The following DCP2 variants were observed in gnomAD, a reference collection of about 807,000 sequenced individuals.
DCP2 encodes decapping mRNA 2.
Under a neutral mutation model 56.1 loss-of-function variants are expected in DCP2, and 30 were observed. The observed-to-expected ratio is 0.53, with a 90% CI of 0.40 to 0.73. The LOEUF is 0.73. Among genes scored for constraint, DCP2 ranks in the 30% least tolerant of loss-of-function variants. The pLI is 0.00. For synonymous variants in DCP2, 197 were observed against 163.3 expected, an observed-to-expected ratio of 1.21 and a Z score of -1.57; for missense variants, 533 against 502.7, an observed-to-expected ratio of 1.06 and a Z score of -0.58.
In DCP2 at chr5:113,001,081, C is replaced by T; in HGVS notation, c.433-3C>T. 6.3e-7 allele frequency: 1 copy of T among 1,589,600 alleles called. No individual in the cohort carries two copies. On this transcript the variant is annotated splice_region_variant and splice_polypyrimidine_tract_variant and intron_variant, in intron 4 of 10. Transcript: ENST00000389063. ...AAATTTCATCCAAATTTGTTGTTTC[C>T]AGGTCTTTGAAGAAACTGGTTTTGA... is the stretch of plus-strand genomic sequence containing the variant.
chr5:113,013,502 T>C lies in DCP2; in HGVS notation c.*18T>C. On this transcript the variant is annotated 3_prime_UTR_variant, in exon 11 of 11. Transcript: ENST00000389063. ...ACCTTTGATAGCAGCACATGTATTGTAAATGTCCCAGGATCAGAGACCTGT... is the reference window on the plus strand; with the variant it reads ...ACCTTTGATAGCAGCACATGTATTGCAAATGTCCCAGGATCAGAGACCTGT... 6.2e-7 allele frequency: 1 copy of C among 1,613,086 alleles called. No individual in the cohort carries two copies. The highest frequency in any genetic ancestry group is 1.1e-5 in the South Asian group (1 of 90,942).
chr5:112,985,183 C>T, intron 1 of DCP2, among the ~76,000 whole-genome samples: 1 of 152,016 alleles, frequency 6.6e-6, no homozygotes, highest in Non-Finnish European at 1.5e-5. Flanking sequence ...TTGTATGTTT[C>T]ATAATAAAGG....
intron 4 of DCP2, among the ~76,000 whole-genome samples, chr5:112,993,636 AAAACCAAAAAAAAAAAAC>A (rs1470395695): frequency 7.4e-6 from 1 of 134,794 alleles, no homozygotes. Context: ...AAAAAAAAAA[AAAACCAAAAAAAAAAAAC>A]CAAAATTTTT....
intron 1 of DCP2, among the ~76,000 whole-genome samples, chr5:112,977,387 C>A (rs577695993): frequency 1.3e-5 from 2 of 152,148 alleles, no homozygotes; most frequent in African/African-American, 4.8e-5. Context: ...TCTCATTCCC[C>A]GATTCTGAAG....
Position 113,013,470 on chromosome 5 carries a change from A to G in DCP2, c.1249A>G (p.Ile417Val), listed in dbSNP as rs777927133. The change falls in exon 11 of 11, where the codon ATC becomes GTC. Residue 417 changes from isoleucine (I) to valine (V), a missense_variant. Ile to Val is a conservative substitution (Grantham distance 29). Transcript: ENST00000389063. ...FKFDHNAIMKILDL is the reference protein window; with the variant it reads ...FKFDHNAIMKVLDL ...GTTTGACCATAATGCTATAATGAAA[A>G]TCTTGGACCTTTGATAGCAGCACAT... 6.2e-7 allele frequency: 1 copy of G among 1,614,020 alleles called. No individual in the cohort carries two copies. The highest frequency in any genetic ancestry group is 1.1e-5 in the South Asian group (1 of 91,068).
chr5:112,976,880 C>A lies in DCP2; in HGVS notation c.-54C>A. ...AGCCGGAGTCCTAGTGCCGTACCGT[C>A]AGTCCCCGGCCGCGCGGAGCCGGGA... On this transcript the variant is annotated 5_prime_UTR_variant, in exon 1 of 11. Transcript: ENST00000389063. 6.3e-7 allele frequency: 1 copy of A among 1,588,096 alleles called. No homozygotes were observed.
At chr5:113,004,201 T>TA (rs994613359) in intron 8 of DCP2, 124 bp downstream of exon 8, 1 of 1,090,482 alleles carries the variant, frequency 9.2e-7, no homozygotes, top group African/African-American at 1.6e-5. Context: ...AAAGCCTGTA[T>TA]GTTCCTTACT....
chr5:113,012,788 C>T (rs1300069227), intron 10 of DCP2, among the ~76,000 whole-genome samples: 6 of 152,018 alleles, frequency 3.9e-5, no homozygotes, highest in Non-Finnish European at 7.4e-5. Flanking sequence ...GGATTACAGG[C>T]GTGTGCCACC....
At chr5:112,999,791 T>C (rs1749054124) in intron 4 of DCP2, among the ~76,000 whole-genome samples, 2 of 151,746 alleles carry the variant, frequency 1.3e-5, no homozygotes, top group South Asian at 4.2e-4. Context: ...CCGGGCATGG[T>C]GGCTCATACC....
At chr5:112,985,100 T>G (rs948675316) in intron 1 of DCP2, among the ~76,000 whole-genome samples, 2 of 152,056 alleles carry the variant, frequency 1.3e-5, no homozygotes, top group African/African-American at 4.8e-5. Flanking sequence ...TGCTTAACAT[T>G]GGAAAAAATA....
intron 10 of DCP2, 92 bp downstream of exon 10, chr5:113,010,899 G>C: frequency 7.5e-7 from 1 of 1,332,862 alleles, no homozygotes; most frequent in Non-Finnish European, 1.0e-6. Flanking sequence ...TGTGATCTGT[G>C]ATAGTTAAGC....
chr5:113,006,161 G>T (rs1160991952), intron 8 of DCP2, among the ~76,000 whole-genome samples: 2 of 151,444 alleles, frequency 1.3e-5, no homozygotes, highest in Non-Finnish European at 2.9e-5. Context: ...GCTACAATAT[G>T]GGTAAACCTC....
intron 4 of DCP2, among the ~76,000 whole-genome samples, chr5:112,993,993 G>C (rs1176013914): frequency 6.6e-6 from 1 of 151,696 alleles, no homozygotes; most frequent in South Asian, 2.1e-4. Flanking sequence ...TAGAGGCAAA[G>C]TCTATGTTGC....
At chr5:113,012,275 A>T (rs142137134) in intron 10 of DCP2, among the ~76,000 whole-genome samples, 183 of 152,290 alleles carry the variant, frequency 1.2e-3, no homozygotes, top group African/African-American at 4.0e-3. Context: ...CAAAAAGGTC[A>T]CTTGCGCCCA....
Position 112,995,586 on chromosome 5 carries a change from T to C in DCP2, c.432+2816T>C, listed in dbSNP as rs151037011. Reference sequence around the variant, plus strand: ...GAAGCACAGGCATCCTGAAGAGCCGTAGTCTCTTAATTTCAGGGAGAATTT... The same window carrying C: ...GAAGCACAGGCATCCTGAAGAGCCGCAGTCTCTTAATTTCAGGGAGAATTT... On this transcript the variant is annotated intron_variant, in intron 4 of 10. Coordinates refer to ENST00000389063, the MANE Select transcript of DCP2 (RefSeq NM_152624.6). Among the ~76,000 whole-genome samples the C allele has an allele frequency of 1.1e-4, 16 of 152,364 alleles. No homozygotes were observed. In the East Asian group the frequency reaches 3.1e-3, roughly 29 times the overall value.
Position 112,992,707 on chromosome 5 carries a change from C to G in DCP2, c.369C>G (p.Gly123=). The G allele has an allele frequency of 6.3e-7, 1 of 1,585,198 alleles. No individual in the cohort carries two copies. Among genetic ancestry groups the G allele is most frequent in the Non-Finnish European group, 8.5e-7 (1 of 1,171,652 alleles). Residue 123 remains glycine, a synonymous_variant, in exon 4 of 11, where the codon GGC becomes GGG. Transcript: ENST00000389063. The stretch of plus-strand genomic sequence containing the variant: ...TTCAGGGGTACCTAGCAAAATCAGG[C>G]TGGGGATTTCCAAAAGGAAAAGTAA... ...LLVQGYLAKS[G]WGFPKGKVNK...
chr5:112,992,814 G>A, intron 4 of DCP2, 44 bp downstream of exon 4: 2 of 1,464,242 alleles, frequency 1.4e-6, no homozygotes, highest in Non-Finnish European at 1.8e-6. Context: ...GGCTATTAGG[G>A]TCTGAATGTA....
rs1218845097 is a variant in DCP2, at chr5:113,016,493, CAT to C, written c.*3013_*3014del. ...AATTAGTAAGTATAGCTAATGAAGA[CAT>C]ATAATGAAAGTAATTTTATGCTGTA... On this transcript the variant is annotated 3_prime_UTR_variant, in exon 11 of 11. Transcript: ENST00000389063. 2 of 152,160 alleles carry C rather than the reference CAT, an allele frequency of 1.3e-5. No homozygotes were observed. Among genetic ancestry groups the C allele is most frequent in the Admixed American group, 6.5e-5 (1 of 15,276 alleles). The allele number at this position is 152,160 out of a possible 1,614,324, so 9.4% of individuals were successfully genotyped here. A position where few individuals can be genotyped will look rare whatever the true frequency, so the allele number is the denominator to read the frequency against.
At position 113,014,297 on chromosome 5, in the gene DCP2, G is replaced by C. The variant is rs967245946; in HGVS notation, c.*813G>C. 7 of 152,190 alleles carry C rather than the reference G, an allele frequency of 4.6e-5. No homozygotes were observed. Among genetic ancestry groups the C allele is most frequent in the African/African-American group, 1.7e-4 (7 of 41,438 alleles). The allele number at this position is 152,190 out of a possible 1,614,324, so 9.4% of individuals were successfully genotyped here. A position where few individuals can be genotyped will look rare whatever the true frequency, so the allele number is the denominator to read the frequency against. Reference sequence around the variant, plus strand: ...TTTAGTCTCGTAGACTTTTGTTCTTGTGGAAATTTCTTCTGTATTCCAGTT... The same window carrying C: ...TTTAGTCTCGTAGACTTTTGTTCTTCTGGAAATTTCTTCTGTATTCCAGTT... On this transcript the variant is annotated 3_prime_UTR_variant, in exon 11 of 11. Transcript: ENST00000389063.
Sources: allele counts gnomAD v4.1 joint callset (sites outside exome capture counted in the v4.1 genomes callset), GRCh38; gene constraint gnomAD v4.1.1; transcripts MANE v1.5; gene names NCBI Gene and HGNC (gene_info 2026-07-23, HGNC 2026-07-21).